ROS1: variants seen among roughly 807,000 people sequenced by gnomAD.
ROS1 encodes proto-oncogene tyrosine-protein kinase ROS.
A neutral mutation model predicts 273.5 loss-of-function variants in ROS1; 263 were observed. The ratio of observed to expected loss-of-function variants is 0.96; its 90% CI spans 0.87 to 1.06. The LOEUF is 1.06. Ranked by LOEUF, ROS1 falls within the 50% of genes least tolerant of loss-of-function variation. The pLI is 0.00. For synonymous variants in ROS1, 1,008 were observed against 954.1 expected (o/e 1.06, Z -1.04); for missense variants, 2,833 against 2,751.1 (o/e 1.03, Z -0.67).
At chr6:117,301,836 C>A (rs1176827338) in intron 42 of ROS1, 1 of 152,206 alleles carries the variant, frequency 6.6e-6, no homozygotes, top group Non-Finnish European at 1.5e-5. Context: ...CAGTGTTTTA[C>A]TGTTCATTAT....
At position 117,329,328 on chromosome 6, in the gene ROS1, C is replaced by T. The variant is rs775376821; in HGVS notation, c.5348+1G>A. The T allele has an allele frequency of 1.5e-6, 2 of 1,367,922 alleles. No individual in the cohort carries two copies. Among genetic ancestry groups the T allele is most frequent in the African/African-American group, 2.9e-5 (2 of 69,504 alleles). The allele number at this position is 1,367,922 out of a possible 1,614,324, so 84.7% of individuals were successfully genotyped here. A position where few individuals can be genotyped will look rare whatever the true frequency, so the allele number is the denominator to read the frequency against. On this transcript the variant is annotated splice_donor_variant, in intron 33 of 43. Coordinates refer to ENST00000368507, the MANE Select transcript of ROS1 (RefSeq NM_001378902.1). LOFTEE classifies it high-confidence loss of function. ...TACAAGTACTTTGCAAACACACATA[C>T]CTTATCTCAAGGATATAGTATGTAA...
chr6:117,394,361 C>G lies in ROS1; in HGVS notation c.1007-15G>C, dbSNP rs747075578. 2 of 1,571,808 alleles carry G rather than the reference C, an allele frequency of 1.3e-6. No homozygotes were observed. The highest frequency in any genetic ancestry group is 1.7e-6 in the Non-Finnish European group (2 of 1,167,636). ...AACAGATATTCCTAGAAGAGCCATG[C>G]AAGTGCACACACATTATTATATAAC... On this transcript the variant is annotated splice_polypyrimidine_tract_variant and intron_variant, in intron 10 of 43. Coordinates refer to ENST00000368507, the MANE Select transcript of ROS1 (RefSeq NM_001378902.1).
chr6:117,425,017 T>TA (rs1776035568), intron 1 of ROS1, among the ~76,000 whole-genome samples: 1 of 152,128 alleles, frequency 6.6e-6, no homozygotes, highest in Non-Finnish European at 1.5e-5. Flanking sequence ...AATTTCCATA[T>TA]AAAAAACTCA....
intron 28 of ROS1, 74 bp from the exon 29 acceptor site, chr6:117,342,618 AAG>A (rs772859931): frequency 3.0e-6 from 3 of 1,004,782 alleles, no homozygotes; most frequent in Non-Finnish European, 4.2e-6. Flanking sequence ...TATTTAATCA[AAG>A]AGAGAACAAA....
intron 11 of ROS1, 95 bp downstream of exon 11, chr6:117,394,067 T>C (rs551180735): frequency 2.7e-4 from 197 of 741,938 alleles, no homozygotes; most frequent in Non-Finnish European, 3.6e-4. Context: ...TGAGTATGTA[T>C]TGAATAAGGC....
Position 117,356,898 on chromosome 6 carries a change from T to C in ROS1, c.3857A>G (p.Glu1286Gly), listed in dbSNP as rs777881304. The change falls in exon 26 of 44, where the codon GAA (glutamate) becomes GGA (glycine). Residue 1286 changes from glutamate (E) to glycine (G), a missense_variant. Coordinates refer to ENST00000368507, the MANE Select transcript of ROS1 (RefSeq NM_001378902.1). ...CATCTGGTAGCCAAAATTGGAAACT[T>C]CTGTCCAATACAAGCGACTATAGAG... is the stretch of plus-strand genomic sequence containing the variant. ...YPLLSRLYWT[E>G]VSNFGYQMFY... 6.2e-7 allele frequency: 1 copy of C among 1,613,920 alleles called. No homozygotes were observed. Among genetic ancestry groups the C allele is most frequent in the South Asian group, 1.1e-5 (1 of 91,050 alleles).
intron 15 of ROS1, 62 bp downstream of exon 15, chr6:117,386,827 G>T: frequency 1.3e-6 from 1 of 792,004 alleles, no homozygotes; most frequent in Non-Finnish European, 2.1e-6. Context: ...TTCATTGAAT[G>T]ATGTGGGAAG....
At chr6:117,354,105 C>T (rs1779095559) in intron 26 of ROS1, among the ~76,000 whole-genome samples, 1 of 152,160 alleles carries the variant, frequency 6.6e-6, no homozygotes, top group South Asian at 2.1e-4. Context: ...AATCCCAGCA[C>T]TTTGGGAGGT....
At chr6:117,360,299 C>T (rs1332184111) in intron 23 of ROS1, 43 bp downstream of exon 23, 10 of 1,455,516 alleles carry the variant, frequency 6.9e-6, no homozygotes, top group African/African-American at 1.4e-5. Context: ...CACACACACA[C>T]GCCTCTAAAT....
At chr6:117,321,169 G>A (rs2128562808) in intron 36 of ROS1, 90 bp downstream of exon 36, 1 of 1,408,766 alleles carries the variant, frequency 7.1e-7, no homozygotes, top group Non-Finnish European at 9.6e-7. Flanking sequence ...AACCATGACT[G>A]TCTTGGGCAA....
intron 18 of ROS1, among the ~76,000 whole-genome samples, chr6:117,366,515 G>T (rs1780259402): frequency 6.6e-6 from 1 of 151,860 alleles, no homozygotes; most frequent in Non-Finnish European, 1.5e-5. Flanking sequence ...TTTTCTGGGG[G>T]CTTTCCTTGT....
rs929759630 is a variant in ROS1, at chr6:117,344,153, C to T, written c.4413G>A (p.Trp1471Ter). ...RLPLAKTNLT[W>*]YGITSPTPTY... Reference sequence around the variant, plus strand: ...TTGGAGTAGGGCTGGTGATGCCATACCATGTGAGGTTTGTCTTGGCCAGAG... The same window carrying T: ...TTGGAGTAGGGCTGGTGATGCCATATCATGTGAGGTTTGTCTTGGCCAGAG... The change falls in exon 28 of 44, where the codon TGG becomes TGA. Residue 1471 changes from tryptophan to a stop codon, truncating the protein, a stop_gained. Transcript: ENST00000368507. LOFTEE classifies it high-confidence loss of function. The T allele has an allele frequency of 1.2e-6, 2 of 1,613,938 alleles. No individual in the cohort carries two copies. Among genetic ancestry groups the T allele is most frequent in the Non-Finnish European group, 1.7e-6 (2 of 1,179,916 alleles).
intron 27 of ROS1, among the ~76,000 whole-genome samples, chr6:117,352,155 A>G (rs1350193136): frequency 6.6e-6 from 1 of 152,180 alleles, no homozygotes; most frequent in Non-Finnish European, 1.5e-5. Context: ...ATCTGGGCTC[A>G]CTGCAAGCTC....
chr6:117,353,226 T>C, intron 26 of ROS1, 60 bp from the exon 27 acceptor site: 1 of 1,222,324 alleles, frequency 8.2e-7, no homozygotes, highest in Non-Finnish European at 1.1e-6. Flanking sequence ...TTTTTTACTC[T>C]AAAAATGTAT....
Position 117,310,161 on chromosome 6 carries a change from T to C in ROS1, c.6336A>G (p.Arg2112=), listed in dbSNP as rs778683218. The C allele has an allele frequency of 6.2e-7, 1 of 1,613,448 alleles. No homozygotes were observed. Among genetic ancestry groups the C allele is most frequent in the Non-Finnish European group, 8.5e-7 (1 of 1,179,600 alleles). The part of the protein sequence containing the change: ...DIYKNDYYRK[R]GEGLLPVRWM... ...ACCGAACTGGGAGCAGGCCTTCCCC[T>C]CTCTTTCTATAGTAATCATTTTTAT... The change falls in exon 41 of 44, where the codon AGA becomes AGG. Residue 2112 remains arginine, a synonymous_variant. Transcript: ENST00000368507.
At chr6:117,328,486 A>G (rs1015955332) in intron 33 of ROS1, 10 of 334,796 alleles carry the variant, frequency 3.0e-5, no homozygotes, top group African/African-American at 1.4e-4. Flanking sequence ...GGAGGTTTCA[A>G]TTAGAAATAA....
In ROS1 at chr6:117,403,326, C is replaced by A. The variant is rs762685593; in HGVS notation, c.466-49G>T. 3.2e-6 allele frequency: 5 copies of A among 1,570,020 alleles called. No homozygotes were observed. The South Asian group carries it at 5.9e-5, about 18-fold the overall frequency. ...TCAGCATTATAGAATCAGCACCCCA[C>A]ATTGGGACTAAAAAGCATAGATTAA... On this transcript the variant is annotated intron_variant, in intron 6 of 43. Transcript: ENST00000368507.
At chr6:117,362,571 G>C in intron 22 of ROS1, 32 bp downstream of exon 22, 1 of 1,593,494 alleles carries the variant, frequency 6.3e-7, no homozygotes, top group Non-Finnish European at 8.6e-7. Flanking sequence ...CCGCTATTAA[G>C]ACTCTCATAT....
In ROS1 at chr6:117,288,552, C is replaced by A. The variant is rs1439867576; in HGVS notation, c.6966G>T (p.Lys2322Asn). 1.2e-6 allele frequency: 2 copies of A among 1,614,050 alleles called. No homozygotes were observed. The highest frequency in any genetic ancestry group is 2.2e-5 in the South Asian group (2 of 91,086). The change falls in exon 44 of 44, where the codon AAG (lysine) becomes AAT (asparagine). Residue 2322 changes from lysine (K) to asparagine (N), a missense_variant. Physicochemically the swap from Lys to Asn is moderately conservative, Grantham distance 94 (BLOSUM62 0). Transcript: ENST00000368507. ...EKQVAYCPSG[K>N]PEGLNYACLT... Reference sequence around the variant, plus strand: ...GACAGGCATAGTTCAGGCCTTCAGGCTTGCCAGAAGGGCAGTAAGCCACTT... The same window carrying A: ...GACAGGCATAGTTCAGGCCTTCAGGATTGCCAGAAGGGCAGTAAGCCACTT...
Sources: allele counts gnomAD v4.1 joint callset (sites outside exome capture counted in the v4.1 genomes callset), GRCh38; gene constraint gnomAD v4.1.1; transcripts MANE v1.5; gene names NCBI Gene and HGNC (gene_info 2026-07-23, HGNC 2026-07-21).